The following JAKMIP3 variants were observed in gnomAD, a reference collection of about 807,000 sequenced individuals.
JAKMIP3 encodes janus kinase and microtubule-interacting protein 3.
JAKMIP3 carries 58 observed loss-of-function variants against 118.5 expected under a neutral mutation model. The ratio of observed to expected loss-of-function variants is 0.49; its 90% confidence interval spans 0.40 to 0.61. The LOEUF (loss-of-function observed/expected upper bound fraction) is 0.61. Among genes scored for constraint, JAKMIP3 ranks in the 20% least tolerant of loss-of-function variants. The pLI is 0.00. For missense variants in JAKMIP3, 950 were observed against 1,109.0 expected (o/e 0.86, Z 2.04); for synonymous variants, 486 against 451.2 (o/e 1.08, Z -0.98).
In JAKMIP3 at chr10:132,059,237, G is replaced by A. The variant is rs184375689; in HGVS notation, c.-138+22499G>A. Among the ~76,000 whole-genome samples the A allele has an allele frequency of 1.3e-3, 205 of 152,338 alleles. 2 individuals are homozygous for A. Among genetic ancestry groups the A allele is most frequent in the African/African-American group, 4.7e-3 (194 of 41,560 alleles). ...CAGCCTCTGGGTGCCGTCCCCACCT[G>A]CTGCTGGTGCCATGTCCGCCATGGG... On this transcript the variant is annotated intron_variant, in intron 1 of 23. Transcript: ENST00000657785.
At chr10:132,151,171 TC>T (rs759924611) in intron 16 of JAKMIP3, among the ~76,000 whole-genome samples, 16 of 152,098 alleles carry the variant, frequency 1.1e-4, no homozygotes, top group Non-Finnish European at 1.9e-4. Context: ...AATCCATCAA[TC>T]CATCCACCCT....
intron 1 of JAKMIP3, among the ~76,000 whole-genome samples, chr10:132,043,737 T>C (rs2037828377): frequency 6.6e-6 from 1 of 152,118 alleles, no homozygotes; most frequent in Non-Finnish European, 1.5e-5. Context: ...GCGGGGCCCT[T>C]TCCAGCCCTG....
chr10:132,127,732 C>G (rs1401123733), intron 3 of JAKMIP3, among the ~76,000 whole-genome samples: 1 of 152,012 alleles, frequency 6.6e-6, no homozygotes, highest in Non-Finnish European at 1.5e-5. Context: ...ATGGGGTTAT[C>G]CCATGGGGTT....
chr10:132,145,318 A>G (rs2054382563), intron 12 of JAKMIP3, 128 bp downstream of exon 12: 1 of 923,978 alleles, frequency 1.1e-6, no homozygotes, highest in Non-Finnish European at 1.7e-6. Flanking sequence ...GGCTCAAGCC[A>G]TCCTCCCACC....
intron 23 of JAKMIP3, among the ~76,000 whole-genome samples, chr10:132,180,850 T>C (rs1292226135): frequency 2.0e-5 from 3 of 151,524 alleles, no homozygotes; most frequent in Non-Finnish European, 4.4e-5. Flanking sequence ...TGCATGTGTG[T>C]GCTGTGTGTG....
At chr10:132,069,985 G>C (rs893492471) in intron 1 of JAKMIP3, among the ~76,000 whole-genome samples, 19 of 152,176 alleles carry the variant, frequency 1.2e-4, no homozygotes, top group African/African-American at 4.1e-4. Flanking sequence ...CTGTACCTTA[G>C]AGAGTGACAC....
At position 132,132,582 on chromosome 10, in the gene JAKMIP3, C is replaced by T. The variant is rs2135688547; in HGVS notation, c.634-730C>T. Among the ~76,000 whole-genome samples the T allele has an allele frequency of 1.3e-5, 2 of 152,370 alleles. 1 individual carries two copies. ...GGTGGGGAGGGCCGCCGACCTCTCA[C>T]AGCCACTGGTGGGGCAGACATCCTG... On this transcript the variant is annotated intron_variant, in intron 3 of 23. Transcript: ENST00000684848.
intron 1 of JAKMIP3, among the ~76,000 whole-genome samples, chr10:132,045,532 C>T (rs1324249461): frequency 6.6e-6 from 1 of 152,064 alleles, no homozygotes; most frequent in Non-Finnish European, 1.5e-5. Context: ...CAAGGAGAGC[C>T]CGCGGTGTGA....
intron 1 of JAKMIP3, among the ~76,000 whole-genome samples, chr10:132,085,069 G>A (rs1247434998): frequency 1.3e-5 from 2 of 152,020 alleles, no homozygotes; most frequent in Admixed American, 1.3e-4. Flanking sequence ...TTTGGTGTTA[G>A]GGTGATACTG....
At chr10:132,059,367 A>C (rs1025247063) in intron 1 of JAKMIP3, among the ~76,000 whole-genome samples, 1 of 152,216 alleles carries the variant, frequency 6.6e-6, no homozygotes, top group Non-Finnish European at 1.5e-5. Flanking sequence ...ATGAGCCAAT[A>C]TTTTCCATTT....
At chr10:132,107,690 G>A (rs772312737) in intron 2 of JAKMIP3, among the ~76,000 whole-genome samples, 1 of 152,196 alleles carries the variant, frequency 6.6e-6, no homozygotes, top group Non-Finnish European at 1.5e-5. Context: ...TGATCACAGC[G>A]CCTCTTGGAG....
rs2060762336 is a variant in JAKMIP3 at position 132,180,565 on chromosome 10, G to GTGTGCGTGCGTGCA, written c.*1104-1790_*1104-1789insTGCGTGCGTGCATG. On this transcript the variant is annotated intron_variant, in intron 23 of 23. Coordinates refer to ENST00000684848, the MANE Select transcript of JAKMIP3 (RefSeq NM_001323087.2). ...TGTGTGCGTGCGTGCATGCGTGTGT[G>GTGTGCGTGCGTGCA]TGCGTGTGTGTGTGCGTGCGCGTGT... 2.3e-4 allele frequency among the ~76,000 whole-genome samples: 14 copies of GTGTGCGTGCGTGCA among 60,034 alleles called. 7 individuals are homozygous for GTGTGCGTGCGTGCA. The highest frequency in any genetic ancestry group is 4.5e-4 in the Non-Finnish European group (14 of 31,436). 39.4% of individuals were successfully genotyped at this position (60,034 alleles called of 152,430 possible).
At chr10:132,085,330 G>A (rs186203736) in intron 1 of JAKMIP3, among the ~76,000 whole-genome samples, 105 of 152,198 alleles carry the variant, frequency 6.9e-4, no homozygotes, top group African/African-American at 2.3e-3. Context: ...ATCCATCTCC[G>A]CTAGGTTTTC....
chr10:132,042,987 G>C (rs1589998194), intron 1 of JAKMIP3, among the ~76,000 whole-genome samples: 1 of 151,384 alleles, frequency 6.6e-6, no homozygotes, highest in Non-Finnish European at 1.5e-5. Flanking sequence ...CCAGCTACTC[G>C]GGAGATTGAG....
chr10:132,127,417 T>TGTGTGTGTGTGC (rs34435836), intron 3 of JAKMIP3, among the ~76,000 whole-genome samples: 8 of 149,974 alleles, frequency 5.3e-5, no homozygotes, highest in African/African-American at 2.0e-4. Context: ...TGTGTGTGTG[T>TGTGTGTGTGTGC]GCGTGTGTGT....
chr10:132,057,580 G>A (rs527860086), intron 1 of JAKMIP3, among the ~76,000 whole-genome samples: 19 of 152,342 alleles, frequency 1.2e-4, no homozygotes, highest in Admixed American at 3.3e-4. Context: ...CCCGGCATGT[G>A]GCACAGGCCC....
chr10:132,145,366 A>G (rs2054392099), intron 12 of JAKMIP3, among the ~76,000 whole-genome samples, 152 bp from the exon 13 acceptor site: 1 of 152,234 alleles, frequency 6.6e-6, no homozygotes, highest in Non-Finnish European at 1.5e-5. Context: ...GGCATGTGCC[A>G]CCACGCCCGG....
intron 11 of JAKMIP3, among the ~76,000 whole-genome samples, chr10:132,142,785 G>A (rs1003722664): frequency 1.3e-5 from 2 of 152,200 alleles, no homozygotes; most frequent in African/African-American, 4.8e-5. Context: ...GCTTTCCGGG[G>A]GAGCTGAGGG....
rs1428695262 is a variant in JAKMIP3, at chr10:132,180,590, T to TGCGCGC, written c.*1104-1766_*1104-1765insCGCGCG. Among the ~76,000 whole-genome samples, 4 of 21,686 alleles carry TGCGCGC rather than the reference T, an allele frequency of 1.8e-4. 1 individual carries two copies. The highest frequency in any genetic ancestry group is 4.3e-4 in the Non-Finnish European group (4 of 9,372). The allele number at this position is 21,686 out of a possible 152,430, so 14.2% of individuals were successfully genotyped here. A position where few individuals can be genotyped will look rare whatever the true frequency, so the allele number is the denominator to read the frequency against. On this transcript the variant is annotated intron_variant, in intron 23 of 23. Coordinates refer to ENST00000684848, the MANE Select transcript of JAKMIP3 (RefSeq NM_001323087.2). ...GTGCGTGTGTGTGTGCGTGCGCGTG[T>TGCGCGC]GTGTGTGCGTGCGCGTGTGTGTGTG...
Sources: gnomAD v4.1 joint callset for allele counts (sites outside exome capture counted in the v4.1 genomes callset) on GRCh38, gnomAD v4.1.1 for gene constraint, MANE v1.5 for transcripts, NCBI Gene and HGNC (gene_info 2026-07-23, HGNC 2026-07-21) for gene names.